TRIM2: variants seen among roughly 807,000 people sequenced by gnomAD.
The protein encoded by TRIM2 is tripartite motif containing 2, also known as tripartite motif-containing protein 2.
Under a neutral mutation model 75.2 loss-of-function variants are expected in TRIM2, and 20 were observed. The observed-to-expected ratio is 0.27, with a 90% CI of 0.19 to 0.39. TRIM2 has a LOEUF of 0.39. Ranked by LOEUF, TRIM2 falls within the 10% of genes least tolerant of loss-of-function variation. The pLI, the probability that TRIM2 is intolerant of heterozygous loss-of-function variation, is 1.00. For synonymous variants in TRIM2, 373 were observed against 388.3 expected (o/e 0.96, Z 0.46); for missense variants, 660 against 990.8 (o/e 0.67, Z 4.48).
intron 1 of TRIM2, among the ~76,000 whole-genome samples, chr4:153,199,432 C>T (rs1338673400): frequency 2.0e-5 from 3 of 151,998 alleles, no homozygotes; most frequent in Admixed American, 2.0e-4. Flanking sequence ...CATTATATAC[C>T]CAGAGTTTAC....
chr4:153,175,474 T>C (rs557589437), intron 1 of TRIM2, among the ~76,000 whole-genome samples: 13 of 150,532 alleles, frequency 8.6e-5, no homozygotes, highest in African/African-American at 3.2e-4. Flanking sequence ...CAGAACTGGA[T>C]TGGGAAACAG....
chr4:153,328,930 T>G (rs1770842267), intron 11 of TRIM2, among the ~76,000 whole-genome samples: 2 of 152,166 alleles, frequency 1.3e-5, no homozygotes, highest in Admixed American at 1.3e-4. Context: ...AGGGGGCCAT[T>G]GAATAAAAAT....
intron 8 of TRIM2, among the ~76,000 whole-genome samples, chr4:153,318,803 C>T (rs186154845): frequency 1.5e-4 from 23 of 152,206 alleles, no homozygotes; most frequent in Admixed American, 7.9e-4. Context: ...GTTCAATAGT[C>T]TATCTGTAAT....
rs1254497781 is a variant in TRIM2, at chr4:153,219,285, GAT to G, written c.30+14726_30+14727del. The stretch of plus-strand genomic sequence containing the variant: ...TTGAGGAGTGGCAGTCATAAAGCCC[GAT>G]CCGCCAGAAAAAAACCTACCAGGAA... On this transcript the variant is annotated intron_variant, in intron 1 of 11. Coordinates refer to ENST00000338700, the MANE Select transcript of TRIM2 (RefSeq NM_015271.5). 3.9e-5 allele frequency among the ~76,000 whole-genome samples: 6 copies of G among 152,014 alleles called. No homozygotes were observed. In the East Asian group the frequency reaches 1.2e-3, roughly 29 times the overall value.
intron 1 of TRIM2, among the ~76,000 whole-genome samples, chr4:153,207,874 T>A (rs1008377942): frequency 7.2e-5 from 11 of 152,178 alleles, no homozygotes; most frequent in African/African-American, 2.7e-4. Flanking sequence ...GACAGAAATC[T>A]CCCCGGAGGA....
At chr4:153,218,349 A>G (rs1161459837) in intron 1 of TRIM2, among the ~76,000 whole-genome samples, 1 of 152,110 alleles carries the variant, frequency 6.6e-6, no homozygotes, top group Non-Finnish European at 1.5e-5. Flanking sequence ...CAGGGACTAC[A>G]GGCATGCACC....
At chr4:153,246,524 A>C (rs1406011126) in intron 1 of TRIM2, among the ~76,000 whole-genome samples, 2 of 152,238 alleles carry the variant, frequency 1.3e-5, no homozygotes, top group African/African-American at 4.8e-5. Context: ...TTTGAGATTT[A>C]GTATCTGTCT....
At chr4:153,152,188 C>T (rs1289260937), upstream of TRIM2, among the ~76,000 whole-genome samples, 1 of 152,020 alleles carries the variant, frequency 6.6e-6, no homozygotes, top group African/African-American at 2.4e-5. Context: ...TCTTAGAAGG[C>T]CTAGTGCTAA....
At chr4:153,167,314 G>A (rs1439256593) in intron 1 of TRIM2, among the ~76,000 whole-genome samples, 5 of 152,204 alleles carry the variant, frequency 3.3e-5, no homozygotes, top group Non-Finnish European at 5.9e-5. Flanking sequence ...ATCTTGCCGC[G>A]AAGATGGTAT....
intron 6 of TRIM2, among the ~76,000 whole-genome samples, chr4:153,307,412 T>A (rs1227346767): frequency 1.3e-5 from 2 of 152,132 alleles, no homozygotes; most frequent in Non-Finnish European, 2.9e-5. Context: ...GTAAAATCGC[T>A]TAGCATGAAT....
chr4:153,279,774 C>T (rs565219168), intron 3 of TRIM2, among the ~76,000 whole-genome samples: 1 of 152,124 alleles, frequency 6.6e-6, no homozygotes, highest in Middle Eastern at 3.4e-3. Context: ...AAAACTCTGT[C>T]TCTATTAAAA....
chr4:153,283,649 T>C (rs1270549248), intron 3 of TRIM2, among the ~76,000 whole-genome samples: 2 of 91,370 alleles, frequency 2.2e-5, no homozygotes, highest in Admixed American at 9.3e-5. Flanking sequence ...TTTCTTTTTT[T>C]TTTTTTTTGA....
At chr4:153,205,232 G>T (rs948132752) in intron 1 of TRIM2, among the ~76,000 whole-genome samples, 2 of 152,118 alleles carry the variant, frequency 1.3e-5, no homozygotes, top group Non-Finnish European at 2.9e-5. Context: ...CATGTGAGTC[G>T]GGGGTGAAGC....
chr4:153,271,021 T>A (rs1309235835), intron 2 of TRIM2, among the ~76,000 whole-genome samples: 1 of 152,196 alleles, frequency 6.6e-6, no homozygotes, highest in Non-Finnish European at 1.5e-5. Flanking sequence ...AGAAAAAATA[T>A]ATATTAAATA....
Position 153,204,559 on chromosome 4 carries a change from A to G in TRIM2, c.29A>G (p.Gln10Arg). 6.4e-7 allele frequency: 1 copy of G among 1,551,728 alleles called. No homozygotes were observed. Among genetic ancestry groups the G allele is most frequent in the Non-Finnish European group, 8.7e-7 (1 of 1,147,000 alleles). Residue 10 changes from glutamine to arginine, a missense_variant and splice_region_variant, in exon 1 of 12, where the codon CAG becomes CGG. By Grantham distance (43) the Gln-to-Arg change is conservative. This residue lies in a region of TRIM2 where 620 missense variants were observed against 891.0 expected (regional missense o/e 0.70). Transcript: ENST00000338700. ...CACAGGAGTGGCCGTTATGGAACGCAGGTAAGGACGCTTCTCAATGTGGGA... is the reference window on the plus strand; with the variant it reads ...CACAGGAGTGGCCGTTATGGAACGCGGGTAAGGACGCTTCTCAATGTGGGA... The part of the protein sequence containing the change: MHRSGRYGT[Q>R]QQRAGSKTAG...
chr4:153,207,646 G>A (rs143539262), intron 1 of TRIM2, among the ~76,000 whole-genome samples: 148 of 152,286 alleles, frequency 9.7e-4, no homozygotes, highest in African/African-American at 3.5e-3. Context: ...TTTACCAAAT[G>A]TCTCTCTGAT....
chr4:153,281,519 A>G (rs966713205), intron 3 of TRIM2, among the ~76,000 whole-genome samples: 7 of 152,270 alleles, frequency 4.6e-5, no homozygotes, highest in Non-Finnish European at 8.8e-5. Context: ...TGCATATTCA[A>G]GCCAAATTCA....
intron 1 of TRIM2, among the ~76,000 whole-genome samples, chr4:153,232,637 G>C (rs5020577): frequency 0.3 from 44,923 of 152,078 alleles, 11,035 homozygotes; most frequent in African/African-American, 0.68. Flanking sequence ...GAGGGAACTA[G>C]AGGCCATAGG....
intron 3 of TRIM2, among the ~76,000 whole-genome samples, chr4:153,280,384 CT>C (rs3048122): frequency 8.6e-4 from 100 of 116,956 alleles, no homozygotes; most frequent in Admixed American, 1.7e-3. Flanking sequence ...CAGCAAATTC[CT>C]TTTTTTTTTT....
Sources: allele counts gnomAD v4.1 joint callset (sites outside exome capture counted in the v4.1 genomes callset), GRCh38; gene constraint gnomAD v4.1.1; regional missense constraint gnomAD v4.1.1; transcripts MANE v1.5; gene names NCBI Gene and HGNC (gene_info 2026-07-23, HGNC 2026-07-21).